Variants in MBOAT2 observed in about 807,000 individuals in gnomAD.
The protein encoded by MBOAT2 is membrane bound glycerophospholipid O-acyltransferase 2.
Under a neutral mutation model 63.4 loss-of-function variants are expected in MBOAT2, and 28 were observed. The ratio of observed to expected loss-of-function variants is 0.44; its 90% confidence interval spans 0.33 to 0.61. The LOEUF is 0.61. Among genes scored for constraint, MBOAT2 ranks in the 20% least tolerant of loss-of-function variants. MBOAT2 has a pLI of 0.03. For synonymous variants in MBOAT2, 211 were observed against 215.6 expected (o/e 0.98, Z 0.19); for missense variants, 470 against 605.8 (o/e 0.78, Z 2.35).
chr2:8,938,327 A>C (rs572437240), intron 3 of MBOAT2, among the ~76,000 whole-genome samples: 1 of 152,212 alleles, frequency 6.6e-6, no homozygotes, highest in African/African-American at 2.4e-5. Flanking sequence ...GAGATGTAAC[A>C]GTGTCACCCC....
At chr2:8,888,774 T>C (rs1663758565) in intron 4 of MBOAT2, among the ~76,000 whole-genome samples, 1 of 152,122 alleles carries the variant, frequency 6.6e-6, no homozygotes. Flanking sequence ...ATGCCTGTAA[T>C]CTCAGCACTT....
chr2:8,874,046 T>A (rs1662530707), intron 7 of MBOAT2, among the ~76,000 whole-genome samples: 1 of 152,216 alleles, frequency 6.6e-6, no homozygotes, highest in South Asian at 2.1e-4. Context: ...TAGATCCAGA[T>A]GAAGTATGCA....
At chr2:8,878,178 GAGTCA>G (rs1363537186) in intron 6 of MBOAT2, among the ~76,000 whole-genome samples, 6 of 152,260 alleles carry the variant, frequency 3.9e-5, no homozygotes, top group Admixed American at 3.3e-4. Context: ...GGAGAAAAGG[GAGTCA>G]AGTCAATTCC....
intron 4 of MBOAT2, among the ~76,000 whole-genome samples, chr2:8,892,291 G>A (rs1394856048): frequency 6.6e-6 from 1 of 152,124 alleles, no homozygotes; most frequent in Non-Finnish European, 1.5e-5. Context: ...GAGGCAAACT[G>A]TTAACTGTTC....
rs140420637 is a variant in MBOAT2, at chr2:8,953,591, T to C, written c.221+4906A>G. On this transcript the variant is annotated intron_variant, in intron 2 of 12. Coordinates refer to ENST00000305997, the MANE Select transcript of MBOAT2 (RefSeq NM_138799.4). ...GAATGCTAATAATTTGTACATTTGGTTGCTTTACATAATCCCATATTTCCT... is the reference window on the plus strand; with the variant it reads ...GAATGCTAATAATTTGTACATTTGGCTGCTTTACATAATCCCATATTTCCT... 2.5e-3 allele frequency among the ~76,000 whole-genome samples: 387 copies of C among 152,354 alleles called. 1 individual carries two copies. The highest frequency in any genetic ancestry group is 4.0e-3 in the Non-Finnish European group (275 of 68,028).
At chr2:8,936,544 G>A (rs1667668181) in intron 3 of MBOAT2, among the ~76,000 whole-genome samples, 1 of 152,008 alleles carries the variant, frequency 6.6e-6, no homozygotes, top group South Asian at 2.1e-4. Flanking sequence ...CAGCACTCTG[G>A]GAGGCCAAGG....
intron 1 of MBOAT2, among the ~76,000 whole-genome samples, chr2:8,973,193 A>C (rs1670571635): frequency 6.6e-6 from 1 of 152,180 alleles, no homozygotes; most frequent in Non-Finnish European, 1.5e-5. Flanking sequence ...GCAGCCATAA[A>C]AAAGGATGAG....
intron 2 of MBOAT2, among the ~76,000 whole-genome samples, chr2:8,956,372 T>C (rs914671496): frequency 6.6e-6 from 1 of 152,020 alleles, no homozygotes; most frequent in African/African-American, 2.4e-5. Context: ...CTTTCTCCTT[T>C]AAGAAAAAAA....
chr2:8,894,608 G>A (rs1231129796), intron 4 of MBOAT2, among the ~76,000 whole-genome samples: 2 of 152,216 alleles, frequency 1.3e-5, no homozygotes, highest in Non-Finnish European at 2.9e-5. Context: ...TTCTAAAAAG[G>A]AGTGATGGAC....
rs80158701 is a variant in MBOAT2, at chr2:8,940,761, C to T, written c.299+2426G>A. ...AAGTACAATAACTACATTATGAATA[C>T]CTCATAAAGAGCATAAAGCAAAAAA... On this transcript the variant is annotated intron_variant, in intron 3 of 12. Transcript: ENST00000305997. 7.3e-3 allele frequency among the ~76,000 whole-genome samples: 1,113 copies of T among 152,076 alleles called. 12 individuals carry two copies. Among genetic ancestry groups the T allele is most frequent in the South Asian group, 0.02 (97 of 4,816 alleles).
chr2:8,898,084 A>G (rs1184021237), intron 4 of MBOAT2, among the ~76,000 whole-genome samples: 3 of 152,252 alleles, frequency 2.0e-5, no homozygotes, highest in African/African-American at 7.2e-5. Flanking sequence ...TTACTTTGGT[A>G]TGCCACTGTT....
At chr2:8,963,815 A>T (rs1201584652) in intron 1 of MBOAT2, among the ~76,000 whole-genome samples, 1 of 152,220 alleles carries the variant, frequency 6.6e-6, no homozygotes, top group Non-Finnish European at 1.5e-5. Flanking sequence ...TGTGCTAGAC[A>T]TTAATATAGT....
rs764427840 is a variant in MBOAT2 at position 8,887,971 on chromosome 2, T to C, written c.451+47A>G. 4.6e-6 allele frequency: 7 copies of C among 1,536,032 alleles called. No homozygotes were observed. In the South Asian group the frequency reaches 7.9e-5, roughly 17 times the overall value. The stretch of plus-strand genomic sequence containing the variant: ...GGCAATATCTCAAGCAAAAGATTAT[T>C]GGAATTAAATTTTTTCAGCAATAAA... On this transcript the variant is annotated intron_variant, in intron 5 of 12. Transcript: ENST00000305997.
At chr2:8,945,621 C>T (rs1391097561) in intron 2 of MBOAT2, among the ~76,000 whole-genome samples, 1 of 152,088 alleles carries the variant, frequency 6.6e-6, no homozygotes. Context: ...TGTTTCGGGG[C>T]AATTTATCCA....
In MBOAT2 at chr2:8,943,317, A is replaced by G; in HGVS notation, c.222-53T>C. ...GAGGGATGCCAAGTCACAAACATCA[A>G]GCTGAAGTGAATTAAGCTAAAAAAT... On this transcript the variant is annotated intron_variant, in intron 2 of 12. Coordinates refer to ENST00000305997, the MANE Select transcript of MBOAT2 (RefSeq NM_138799.4). The G allele has an allele frequency of 2.7e-6, 3 of 1,123,114 alleles. No homozygotes were observed. The South Asian group carries it at 4.7e-5, about 18-fold the overall frequency. The allele number at this position is 1,123,114 out of a possible 1,614,324, so 69.6% of individuals were successfully genotyped here. A position where few individuals can be genotyped will look rare whatever the true frequency, so the allele number is the denominator to read the frequency against.
chr2:8,923,812 C>T (rs1455070310), intron 3 of MBOAT2, among the ~76,000 whole-genome samples: 1 of 152,104 alleles, frequency 6.6e-6, no homozygotes, highest in Non-Finnish European at 1.5e-5. Flanking sequence ...GGTCAATTTC[C>T]AGAGCCCAAA....
intron 5 of MBOAT2, among the ~76,000 whole-genome samples, chr2:8,885,625 A>T (rs542712353): frequency 4.2e-4 from 64 of 152,200 alleles, no homozygotes; most frequent in Admixed American, 1.4e-3. Context: ...CTTCATGAGC[A>T]AACATGCCAG....
chr2:8,966,241 A>T (rs554579174), intron 1 of MBOAT2, among the ~76,000 whole-genome samples: 1 of 152,324 alleles, frequency 6.6e-6, no homozygotes, highest in South Asian at 2.1e-4. Flanking sequence ...GCATTGTTCA[A>T]TGCAATAGTC....
chr2:8,862,104 G>A lies in MBOAT2; in HGVS notation c.1185+486C>T, dbSNP rs1469047960. 6.6e-6 allele frequency among the ~76,000 whole-genome samples: 1 copy of A among 152,018 alleles called. No homozygotes were observed. The highest frequency in any genetic ancestry group is 1.5e-5 in the Non-Finnish European group (1 of 68,016). The stretch of plus-strand genomic sequence containing the variant: ...ATGTCACCAACCTAATTTCTCAATT[G>A]TTTCCCCAAAATATTACTCTATGTT... On this transcript the variant is annotated intron_variant, in intron 11 of 12. Coordinates refer to ENST00000305997, the MANE Select transcript of MBOAT2 (RefSeq NM_138799.4). This position sits in a 1 kb window ranked among gnomAD's most constrained non-coding sequence, Gnocchi z 4.3.
Sources: gnomAD v4.1 joint callset for allele counts (sites outside exome capture counted in the v4.1 genomes callset) on GRCh38, gnomAD v4.1.1 for gene constraint, Gnocchi (gnomAD v3.1) non-coding constraint, MANE v1.5 for transcripts, NCBI Gene and HGNC (gene_info 2026-07-23, HGNC 2026-07-21) for gene names.